The following SLC12A8 variants were observed in gnomAD, a reference collection of about 807,000 sequenced individuals.
SLC12A8 encodes solute carrier family 12 member 8.
SLC12A8 carries 69 observed loss-of-function variants against 75.6 expected under a neutral mutation model. The ratio of observed to expected loss-of-function variants is 0.91; its 90% confidence interval spans 0.75 to 1.11. The LOEUF is 1.11. SLC12A8 is among the 50% of genes most tolerant of loss of function. SLC12A8 has a pLI of 0.00. For missense variants in SLC12A8, 877 were observed against 896.7 expected, an observed-to-expected ratio of 0.98 and a Z score of 0.28; for synonymous variants, 365 against 372.8, an observed-to-expected ratio of 0.98 and a Z score of 0.24.
intron 5 of SLC12A8, among the ~76,000 whole-genome samples, chr3:125,140,772 T>G (rs187634363): frequency 1.7e-4 from 26 of 151,918 alleles, no homozygotes; most frequent in African/African-American, 4.8e-4. Context: ...GAGGCTGGAG[T>G]GCAGTGGCAC....
chr3:125,155,514 G>A lies in SLC12A8; in HGVS notation c.623-19732C>T, dbSNP rs1934027405. On this transcript the variant is annotated intron_variant, in intron 5 of 13. Coordinates refer to ENST00000469902, the MANE Select transcript of SLC12A8 (RefSeq NM_024628.6). ...GAGCCGGGCGCGGTGGCTCACGCCT[G>A]TAATCCCAGCACTTTGGAAGGCTGA... 7.2e-5 allele frequency among the ~76,000 whole-genome samples: 11 copies of A among 151,940 alleles called. No individual in the cohort carries two copies. The South Asian group carries it at 2.3e-3, about 32-fold the overall frequency.
chr3:125,164,452 G>A (rs540203736), intron 5 of SLC12A8, among the ~76,000 whole-genome samples: 84 of 152,278 alleles, frequency 5.5e-4, no homozygotes, highest in African/African-American at 1.9e-3. Flanking sequence ...TTCCCAGTTC[G>A]TCACACACAT....
intron 5 of SLC12A8, among the ~76,000 whole-genome samples, chr3:125,145,342 C>T (rs1014616658): frequency 2.6e-5 from 4 of 152,174 alleles, no homozygotes; most frequent in African/African-American, 9.7e-5. Context: ...CACCTAGCCC[C>T]AGGGGACATG....
chr3:125,140,055 C>T (rs1933591189), intron 5 of SLC12A8, among the ~76,000 whole-genome samples: 1 of 152,244 alleles, frequency 6.6e-6, no homozygotes, highest in Non-Finnish European at 1.5e-5. Flanking sequence ...CCACCATGCC[C>T]TGCCTCAGAG....
intron 2 of SLC12A8, among the ~76,000 whole-genome samples, chr3:125,210,051 G>A (rs1935305787): frequency 6.6e-6 from 1 of 152,206 alleles, no homozygotes. Flanking sequence ...TCGATGTTTA[G>A]CTATTAAGGG....
In SLC12A8 at chr3:125,120,664, C is replaced by G. The variant is rs1290100422; in HGVS notation, c.759G>C (p.Met253Ile). 6.2e-7 allele frequency: 1 copy of G among 1,613,732 alleles called. No homozygotes were observed. The highest frequency in any genetic ancestry group is 1.7e-5 in the Admixed American group (1 of 60,008). Reference protein sequence around the residue: ...AATGVMAGFNMGGDLREPAAS... With the variant: ...AATGVMAGFNIGGDLREPAAS... ...CGGCAGGCTCCCTGAGGTCGCCCCC[C>G]ATGTTGAAGCCGGCCATGACTCCTG... The change falls in exon 7 of 14, where the codon ATG becomes ATC. Residue 253 changes from methionine to isoleucine, a missense_variant. Transcript: ENST00000469902.
At chr3:125,167,264 C>T (rs1171452216) in intron 5 of SLC12A8, among the ~76,000 whole-genome samples, 1 of 152,136 alleles carries the variant, frequency 6.6e-6, no homozygotes, top group Non-Finnish European at 1.5e-5. Flanking sequence ...ATTCTCCTGC[C>T]TCAGCCTCCC....
intron 10 of SLC12A8, among the ~76,000 whole-genome samples, chr3:125,105,567 G>C (rs537890839): frequency 2.6e-5 from 4 of 152,288 alleles, no homozygotes; most frequent in Admixed American, 2.6e-4. Context: ...CCAGGAAACA[G>C]CAAAAGTTGA....
At chr3:125,092,539 T>C (rs749349693) in intron 10 of SLC12A8, among the ~76,000 whole-genome samples, 22 of 152,222 alleles carry the variant, frequency 1.4e-4, no homozygotes, top group South Asian at 2.1e-4. Flanking sequence ...TCTGGTATTC[T>C]TGGCTTCCAG....
chr3:125,111,375 T>C (rs925766492), intron 8 of SLC12A8, among the ~76,000 whole-genome samples: 8 of 152,196 alleles, frequency 5.3e-5, no homozygotes, highest in African/African-American at 1.9e-4. Flanking sequence ...GCTAAGGGGC[T>C]GGGTGGCTGC....
intron 10 of SLC12A8, among the ~76,000 whole-genome samples, chr3:125,100,754 C>T (rs1040701086): frequency 2.0e-5 from 3 of 149,318 alleles, no homozygotes; most frequent in African/African-American, 7.3e-5. Flanking sequence ...TGGCTCACGC[C>T]TGTAATCCCA....
At chr3:125,195,085 A>G (rs564585828) in intron 2 of SLC12A8, among the ~76,000 whole-genome samples, 1 of 152,392 alleles carries the variant, frequency 6.6e-6, no homozygotes, top group South Asian at 2.1e-4. Context: ...TAGTTGTGAA[A>G]GTTTGTGTAA....
chr3:125,085,435 C>T (rs555779136), intron 13 of SLC12A8, among the ~76,000 whole-genome samples: 94 of 152,262 alleles, frequency 6.2e-4, no homozygotes, highest in African/African-American at 2.1e-3. Flanking sequence ...GTAACCTAGC[C>T]AAATTCTTCT....
In SLC12A8 at chr3:125,100,977, C is replaced by T. The variant is rs371021306; in HGVS notation, c.1705+6504G>A. On this transcript the variant is annotated intron_variant, in intron 10 of 13. Transcript: ENST00000469902. ...GCAGTGAGCCGAGATTGCGCCACTGCAGTCCGCAGTCCGGCCTGGGCGACA... is the reference window on the plus strand; with the variant it reads ...GCAGTGAGCCGAGATTGCGCCACTGTAGTCCGCAGTCCGGCCTGGGCGACA... Among the ~76,000 whole-genome samples the T allele has an allele frequency of 2.0e-4, 26 of 127,742 alleles. No individual in the cohort carries two copies. In the South Asian group the frequency reaches 5.0e-3, roughly 25 times the overall value. 83.8% of individuals were successfully genotyped at this position (127,742 alleles called of 152,430 possible). A position where few individuals can be genotyped will look rare whatever the true frequency, so the allele number is the denominator to read the frequency against.
At chr3:125,119,140 A>C (rs1271225465) in intron 7 of SLC12A8, 4 of 262,348 alleles carry the variant, frequency 1.5e-5, no homozygotes, top group South Asian at 1.1e-4. Context: ...ATCCTTGCAC[A>C]TGGGCCATGC....
intron 10 of SLC12A8, among the ~76,000 whole-genome samples, chr3:125,105,478 T>C (rs72963844): frequency 0.052 from 7,909 of 152,140 alleles, 684 homozygotes; most frequent in African/African-American, 0.18. Context: ...AAAAAGGCAT[T>C]TGACAGATCT....
In SLC12A8 at chr3:125,209,953, C is replaced by T. The variant is rs149606636; in HGVS notation, c.51+1346G>A. ...GAAATGGTACCTTAACAAGACAGTG[C>T]AGGGGAGGGAGAGAGAAAGAAAGGA... On this transcript the variant is annotated intron_variant, in intron 2 of 13. Transcript: ENST00000469902. Among the ~76,000 whole-genome samples the T allele has an allele frequency of 2.6e-5, 4 of 152,164 alleles. No individual in the cohort carries two copies. In the East Asian group the frequency reaches 5.8e-4, roughly 22 times the overall value.
intron 5 of SLC12A8, among the ~76,000 whole-genome samples, chr3:125,177,216 A>G (rs949685935): frequency 6.6e-5 from 10 of 151,662 alleles, no homozygotes; most frequent in African/African-American, 2.2e-4. Context: ...TCAGCAAACT[A>G]TCGCAAGGAC....
At chr3:125,090,630 T>G (rs1938560936) in intron 12 of SLC12A8, among the ~76,000 whole-genome samples, 1 of 152,244 alleles carries the variant, frequency 6.6e-6, no homozygotes, top group South Asian at 2.1e-4. Context: ...AGCTTTGTTA[T>G]GTCTTCCTGA....
Sources: allele counts gnomAD v4.1 joint callset (sites outside exome capture counted in the v4.1 genomes callset), GRCh38; gene constraint gnomAD v4.1.1; transcripts MANE v1.5; gene names NCBI Gene and HGNC (gene_info 2026-07-23, HGNC 2026-07-21).